Variants in CHODL observed in about 807,000 individuals in gnomAD.
CHODL encodes the protein chondrolectin, also known as transmembrane protein MT75.
CHODL carries 29 observed loss-of-function variants against 34.5 expected under a neutral mutation model. That is an observed-to-expected ratio of 0.84 (90% CI 0.63 to 1.15). CHODL has a LOEUF of 1.15. Among genes scored for constraint, CHODL ranks in the 50% most tolerant of loss-of-function variants. The probability of loss-of-function intolerance (pLI) is 0.00; values close to 1 mark genes in which losing one functional copy is unlikely to be tolerated. For missense variants in CHODL, 332 were observed against 332.5 expected (o/e 1.00, Z 0.01); for synonymous variants, 125 against 116.1 (o/e 1.08, Z -0.49).
chr21:18,174,106 T>C lies in CHODL; in HGVS notation c.-44-82403T>C, dbSNP rs1300339533. On this transcript the variant is annotated intron_variant, in intron 2 of 6. Transcript: ENST00000400127. ...AGGGGAAACAAATACAGGATATATA[T>C]ATATATATATCTTGGTGTATATATA... Among the ~76,000 whole-genome samples the C allele has an allele frequency of 3.0e-5, 4 of 134,884 alleles. 1 individual carries two copies. Among genetic ancestry groups the C allele is most frequent in the Admixed American group, 1.5e-4 (2 of 12,936 alleles). 88.5% of individuals were successfully genotyped at this position (134,884 alleles called of 152,430 possible).
chr21:18,254,871 AT>A (rs1054477065), intron 1 of CHODL, among the ~76,000 whole-genome samples: 24 of 151,506 alleles, frequency 1.6e-4, no homozygotes, highest in South Asian at 1.3e-3. Context: ...TAATTTTGAG[AT>A]TTTTTTTTCA....
chr21:18,039,035 C>T (rs1220145852), intron 2 of CHODL, among the ~76,000 whole-genome samples: 1 of 151,526 alleles, frequency 6.6e-6, no homozygotes, highest in Non-Finnish European at 1.5e-5. Flanking sequence ...TGTCTTTCTT[C>T]TTATGAATTG....
intron 2 of CHODL, among the ~76,000 whole-genome samples, chr21:18,232,196 G>A (rs1384322730): frequency 1.3e-5 from 2 of 151,822 alleles, no homozygotes; most frequent in African/African-American, 4.8e-5. Flanking sequence ...CTATTTTATT[G>A]TCTTATTCAA....
intron 5 of CHODL, among the ~76,000 whole-genome samples, chr21:18,265,517 C>CA (rs151230903): frequency 0.01 from 1,549 of 151,932 alleles, 30 homozygotes; most frequent in African/African-American, 0.035. Context: ...TTTGGGGACT[C>CA]AGAGGGAAAG....
intron 3 of CHODL, among the ~76,000 whole-genome samples, chr21:18,258,147 T>C (rs2146816062): frequency 6.6e-6 from 1 of 152,248 alleles, no homozygotes; most frequent in Admixed American, 6.5e-5. Context: ...GACTTACCCT[T>C]CTCTTACATT....
intron 2 of CHODL, among the ~76,000 whole-genome samples, chr21:18,035,885 A>G (rs528713841): frequency 6.6e-6 from 1 of 152,116 alleles, no homozygotes; most frequent in Admixed American, 6.6e-5. Context: ...CCTTATGTAC[A>G]AATCATAGCA....
chr21:17,984,969 A>C (rs749537583), intron 1 of CHODL, among the ~76,000 whole-genome samples: 1 of 152,272 alleles, frequency 6.6e-6, no homozygotes, highest in African/African-American at 2.4e-5. Context: ...TCGCAATATT[A>C]TAACTTCACA....
chr21:18,199,718 T>C (rs2146706321), intron 2 of CHODL, among the ~76,000 whole-genome samples: 1 of 152,314 alleles, frequency 6.6e-6, no homozygotes, highest in Non-Finnish European at 1.5e-5. Flanking sequence ...CTACAATATA[T>C]AGTCTTTTCA....
At chr21:18,035,919 C>T (rs2064303758) in intron 2 of CHODL, among the ~76,000 whole-genome samples, 1 of 151,882 alleles carries the variant, frequency 6.6e-6, no homozygotes, top group African/African-American at 2.4e-5. Flanking sequence ...TGATCTGTTT[C>T]TATTGATTGA....
At chr21:18,132,267 T>C (rs1453779126) in intron 2 of CHODL, among the ~76,000 whole-genome samples, 3 of 152,000 alleles carry the variant, frequency 2.0e-5, no homozygotes, top group Non-Finnish European at 4.4e-5. Flanking sequence ...GTGAGGAAAA[T>C]GTTTCTAAAA....
At chr21:18,026,943 A>G (rs2064182173) in intron 1 of CHODL, among the ~76,000 whole-genome samples, 1 of 152,180 alleles carries the variant, frequency 6.6e-6, no homozygotes, top group Admixed American at 6.5e-5. Flanking sequence ...TTCTGTTTTT[A>G]GAAAGATAAT....
intron 1 of CHODL, among the ~76,000 whole-genome samples, chr21:17,960,475 G>A (rs1250298473): frequency 6.6e-6 from 1 of 152,196 alleles, no homozygotes; most frequent in Non-Finnish European, 1.5e-5. Flanking sequence ...TTTCAGATCC[G>A]AGGAAGATTT....
chr21:18,261,620 T>C (rs937290631), intron 4 of CHODL, among the ~76,000 whole-genome samples: 1 of 152,018 alleles, frequency 6.6e-6, no homozygotes, highest in East Asian at 1.9e-4. Context: ...TGAGCCAAGA[T>C]TGCGCCATGC....
chr21:17,939,689 AG>A (rs1807636662), intron 1 of CHODL, among the ~76,000 whole-genome samples: 1 of 152,092 alleles, frequency 6.6e-6, no homozygotes, highest in Admixed American at 6.6e-5. Context: ...TCCATTCCAA[AG>A]TATTTACACT....
intron 2 of CHODL, among the ~76,000 whole-genome samples, chr21:18,069,828 T>C (rs2064774378): frequency 6.6e-6 from 1 of 152,010 alleles, no homozygotes; most frequent in Non-Finnish European, 1.5e-5. Context: ...CAGGCTGGTC[T>C]CAAACTCCTG....
At chr21:18,152,962 G>A (rs2072989251) in intron 2 of CHODL, among the ~76,000 whole-genome samples, 1 of 152,212 alleles carries the variant, frequency 6.6e-6, no homozygotes, top group Admixed American at 6.5e-5. Context: ...GTCTTGACAT[G>A]TCTTAGAGAT....
chr21:18,131,604 C>G (rs574187129), intron 2 of CHODL, among the ~76,000 whole-genome samples: 5 of 152,226 alleles, frequency 3.3e-5, no homozygotes, highest in African/African-American at 1.2e-4. Context: ...TTCCCATTAT[C>G]TTTGCTTTAA....
chr21:18,135,424 A>G (rs1238091227), intron 2 of CHODL, among the ~76,000 whole-genome samples: 1 of 152,152 alleles, frequency 6.6e-6, no homozygotes, highest in Admixed American at 6.6e-5. Flanking sequence ...ATAAGAACAC[A>G]GTTGCTTCGA....
chr21:18,145,150 A>G (rs2072856997), intron 2 of CHODL, among the ~76,000 whole-genome samples: 1 of 151,242 alleles, frequency 6.6e-6, no homozygotes. Flanking sequence ...AGAAAGTGGC[A>G]TTTGGGCCGG....
Sources: allele counts gnomAD v4.1 joint callset (sites outside exome capture counted in the v4.1 genomes callset), GRCh38; gene constraint gnomAD v4.1.1; transcripts MANE v1.5; gene names NCBI Gene and HGNC (gene_info 2026-07-23, HGNC 2026-07-21).